The following TENM2 variants were observed in gnomAD, a reference collection of about 807,000 sequenced individuals.
TENM2 encodes the protein teneurin transmembrane protein 2, also known as teneurin-2.
TENM2 carries 52 observed loss-of-function variants against 245.2 expected under a neutral mutation model. The observed-to-expected ratio is 0.21, with a 90% confidence interval of 0.17 to 0.27. The LOEUF (loss-of-function observed/expected upper bound fraction) is 0.27, where lower values mean the gene tolerates loss of function less well. Among genes scored for constraint, TENM2 ranks in the 10% least tolerant of loss-of-function variants. The probability of loss-of-function intolerance (pLI) is 1.00; values close to 1 mark genes in which losing one functional copy is unlikely to be tolerated. For synonymous variants in TENM2, 1,363 were observed against 1,438.9 expected (o/e 0.95, Z 1.19); for missense variants, 3,046 against 3,666.8 (o/e 0.83, Z 4.37).
At chr5:167,890,202 GA>G (rs1242300441) in intron 3 of TENM2, among the ~76,000 whole-genome samples, 2 of 152,056 alleles carry the variant, frequency 1.3e-5, no homozygotes, top group Non-Finnish European at 2.9e-5. Context: ...CAAATATCAT[GA>G]TTCTAGGAAA....
chr5:167,438,643 C>T (rs146138537), intron 2 of TENM2, among the ~76,000 whole-genome samples: 7,793 of 152,236 alleles, frequency 0.051, 274 homozygotes, highest in Middle Eastern at 0.095. Context: ...GTGATTCGTC[C>T]GCCTTGGCCT....
intron 23 of TENM2, among the ~76,000 whole-genome samples, chr5:168,222,593 A>C (rs1032252260): frequency 6.6e-6 from 1 of 152,202 alleles, no homozygotes; most frequent in African/African-American, 2.4e-5. Flanking sequence ...AGCTGGGCAG[A>C]AATAGAGCTG....
intron 1 of TENM2, among the ~76,000 whole-genome samples, chr5:167,337,492 A>T (rs980341916): frequency 6.6e-6 from 1 of 152,254 alleles, no homozygotes; most frequent in Non-Finnish European, 1.5e-5. Flanking sequence ...CTGATTTATA[A>T]TGAAGAGGCA....
chr5:167,312,862 C>A (rs1756121257), intron 1 of TENM2, among the ~76,000 whole-genome samples: 1 of 150,536 alleles, frequency 6.6e-6, no homozygotes, highest in African/African-American at 2.4e-5. Context: ...AAAGCAGAAT[C>A]AAGCGACAGG....
chr5:167,006,288 G>T, the TENM2 span, among the ~76,000 whole-genome samples: 2 of 152,182 alleles, frequency 1.3e-5, no homozygotes, highest in East Asian at 1.9e-4. Flanking sequence ...CAGTAGAAGA[G>T]AATGTACATA....
chr5:167,214,723 T>A, the TENM2 span, among the ~76,000 whole-genome samples: 1 of 152,156 alleles, frequency 6.6e-6, no homozygotes, highest in East Asian at 1.9e-4. Context: ...ACATATGGTG[T>A]CACTTGGAGC....
At chr5:167,697,170 C>T (rs949751420) in intron 2 of TENM2, among the ~76,000 whole-genome samples, 3 of 152,194 alleles carry the variant, frequency 2.0e-5, no homozygotes, top group Non-Finnish European at 4.4e-5. Context: ...AATGACCTCT[C>T]AAGGGTAAAA....
chr5:167,283,805 G>A (rs144726722), upstream of TENM2, among the ~76,000 whole-genome samples: 20 of 152,274 alleles, frequency 1.3e-4, no homozygotes, highest in South Asian at 2.7e-3. Flanking sequence ...ACTTGGAGGC[G>A]CCTAAGCATT....
Position 168,162,211 on chromosome 5 carries a change from C to T in TENM2, c.2423-400C>T, listed in dbSNP as rs531506952. Among the ~76,000 whole-genome samples, 12 of 152,262 alleles carry T rather than the reference C, an allele frequency of 7.9e-5. 1 individual carries two copies. The highest frequency in any genetic ancestry group is 2.9e-4 in the African/African-American group (12 of 41,552). On this transcript the variant is annotated intron_variant, in intron 12 of 28. Transcript: ENST00000518659. ...CCTGGGTTGATAGGGAATTTTTTCT[C>T]TTCTACAGAAGAGCACTTCTTAAAA...
the TENM2 span, among the ~76,000 whole-genome samples, chr5:167,242,471 G>A: frequency 4.6e-5 from 7 of 152,120 alleles, no homozygotes; most frequent in East Asian, 1.4e-3. Context: ...GAAGAACATG[G>A]GTTTGAACTG....
intron 1 of TENM2, among the ~76,000 whole-genome samples, chr5:167,342,200 A>G (rs1285851739): frequency 2.6e-5 from 4 of 152,142 alleles, no homozygotes; most frequent in Non-Finnish European, 5.9e-5. Context: ...CCCATCCTGG[A>G]TACCACATTA....
chr5:167,504,951 C>G (rs948232081), intron 2 of TENM2, among the ~76,000 whole-genome samples: 2 of 151,936 alleles, frequency 1.3e-5, no homozygotes, highest in Non-Finnish European at 2.9e-5. Context: ...TTTCGTCATT[C>G]AAAAAGCTGG....
At chr5:167,397,724 A>G (rs1190391476) in intron 2 of TENM2, among the ~76,000 whole-genome samples, 1 of 152,176 alleles carries the variant, frequency 6.6e-6, no homozygotes, top group Non-Finnish European at 1.5e-5. Flanking sequence ...GAGTAGGTTA[A>G]GAAATGGTAT....
intron 5 of TENM2, among the ~76,000 whole-genome samples, chr5:168,003,309 ACACACAC>A (rs1784552846): frequency 1.0e-4 from 3 of 29,992 alleles, no homozygotes; most frequent in African/African-American, 2.8e-4. Flanking sequence ...AAGAAAAAAC[ACACACAC>A]ACACACACAC....
At chr5:167,625,637 A>T (rs1398696401) in intron 2 of TENM2, among the ~76,000 whole-genome samples, 1 of 152,204 alleles carries the variant, frequency 6.6e-6, no homozygotes, top group East Asian at 1.9e-4. Context: ...ATTGTTCTGT[A>T]ACAAATTACC....
intron 2 of TENM2, among the ~76,000 whole-genome samples, chr5:167,754,609 G>T (rs994876721): frequency 6.8e-6 from 1 of 147,492 alleles, no homozygotes; most frequent in Non-Finnish European, 1.5e-5. Context: ...GCAACTAAGA[G>T]AATAATTTAA....
At chr5:167,192,349 T>A in the TENM2 span, among the ~76,000 whole-genome samples, 1 of 152,050 alleles carries the variant, frequency 6.6e-6, no homozygotes, top group Non-Finnish European at 1.5e-5. Flanking sequence ...AGGGAATTCC[T>A]TAAATGCTCA....
At chr5:167,508,684 A>G (rs1437684461) in intron 2 of TENM2, among the ~76,000 whole-genome samples, 1 of 152,186 alleles carries the variant, frequency 6.6e-6, no homozygotes, top group Non-Finnish European at 1.5e-5. Flanking sequence ...ACAAATTTAA[A>G]GACAGGACAA....
chr5:167,630,568 G>C (rs913439415), intron 2 of TENM2, among the ~76,000 whole-genome samples: 1 of 152,148 alleles, frequency 6.6e-6, no homozygotes, highest in African/African-American at 2.4e-5. Context: ...GCAAATAAGG[G>C]GGGAGTTATA....
Sources: allele counts gnomAD v4.1 joint callset (sites outside exome capture counted in the v4.1 genomes callset), GRCh38; gene constraint gnomAD v4.1.1; transcripts MANE v1.5; gene names NCBI Gene and HGNC (gene_info 2026-07-23, HGNC 2026-07-21).